ZSCAN5A: variants seen among roughly 807,000 people sequenced by gnomAD.
The protein encoded by ZSCAN5A is zinc finger and SCAN domain containing 5A.
A neutral mutation model predicts 23.7 loss-of-function variants in ZSCAN5A; 12 were observed. That is an observed-to-expected ratio of 0.51 (90% confidence interval 0.32 to 0.82). ZSCAN5A has a LOEUF of 0.82. ZSCAN5A is among the 40% of genes least tolerant of loss of function. ZSCAN5A has a pLI of 0.03. For synonymous variants in ZSCAN5A, 257 were observed against 239.9 expected (o/e 1.07, Z -0.66); for missense variants, 597 against 617.9 (o/e 0.97, Z 0.36).
intron 2 of ZSCAN5A, among the ~76,000 whole-genome samples, chr19:56,324,525 AC>A (rs1197199042): frequency 6.6e-6 from 1 of 152,110 alleles, no homozygotes; most frequent in Non-Finnish European, 1.5e-5. Context: ...GAACCCTCGT[AC>A]AATGTTGGTG....
intron 2 of ZSCAN5A, chr19:56,321,366 ACCAG>A: frequency 3.1e-6 from 2 of 642,470 alleles, no homozygotes; most frequent in Non-Finnish European, 5.8e-6. Context: ...CAATGTGGAC[ACCAG>A]CAGTTGGCTG....
Position 56,228,704 on chromosome 19 carries a change from G to GA in ZSCAN5A, c.-127-3532dup, listed in dbSNP as rs1010896462. On this transcript the variant is annotated intron_variant, in intron 2 of 5. Transcript: ENST00000683990. ...TCTCACATATGAATGTCAAGATACT[G>GA]AAAAAAAGAGACAGTCTTTGTTGAT... is the stretch of plus-strand genomic sequence containing the variant. Among the ~76,000 whole-genome samples the GA allele has an allele frequency of 4.6e-5, 7 of 151,570 alleles. No individual in the cohort carries two copies. In the East Asian group the frequency reaches 1.2e-3, roughly 25 times the overall value.
At chr19:56,232,509 A>G (rs2034555369) in intron 2 of ZSCAN5A, among the ~76,000 whole-genome samples, 1 of 151,992 alleles carries the variant, frequency 6.6e-6, no homozygotes, top group Non-Finnish European at 1.5e-5. Flanking sequence ...TGAAAAAAAA[A>G]GAGGATTCTC....
Position 56,322,202 on chromosome 19 carries a change from A to G in ZSCAN5A, c.-357-5934T>C, listed in dbSNP as rs1340740235. 4.7e-6 allele frequency: 4 copies of G among 843,458 alleles called. No homozygotes were observed. In the Admixed American group the frequency reaches 6.8e-5, roughly 14 times the overall value. The allele number at this position is 843,458 out of a possible 1,614,324, so 52.2% of individuals were successfully genotyped here. On this transcript the variant is annotated intron_variant, in intron 2 of 6. Coordinates refer to the ZSCAN5A transcript ENST00000587340. The stretch of plus-strand genomic sequence containing the variant: ...GCAGTCTGCTGCTTCAACATAGACC[A>G]GGCTCATTTGTTTCCTTCTGTAATA...
chr19:56,246,943 C>T (rs1014532860), intron 2 of ZSCAN5A: 1 of 1,558,642 alleles, frequency 6.4e-7, no homozygotes, highest in Non-Finnish European at 8.8e-7. Context: ...AGGAGCCACA[C>T]CTGTGGGCAA....
chr19:56,293,433 T>G (rs2039650527), intron 2 of ZSCAN5A, among the ~76,000 whole-genome samples: 1 of 152,182 alleles, frequency 6.6e-6, no homozygotes, highest in African/African-American at 2.4e-5. Context: ...ATCCCTACAC[T>G]GGAAGTATTA....
chr19:56,222,551 AGAG>A (rs1195525053), intron 5 of ZSCAN5A, 37 bp downstream of exon 5: 1 of 1,607,240 alleles, frequency 6.2e-7, no homozygotes, highest in Non-Finnish European at 8.5e-7. Context: ...ACCCCAGAAG[AGAG>A]GGACTAACCC....
At chr19:56,284,265 G>GT in intron 2 of ZSCAN5A, 4 of 792,550 alleles carry the variant, frequency 5.0e-6, no homozygotes, top group Non-Finnish European at 6.1e-6. Flanking sequence ...GGAAATTTTG[G>GT]GCTTTGCTCT....
At position 56,222,004 on chromosome 19, in the gene ZSCAN5A, C is replaced by T. The variant is rs1599958960; in HGVS notation, c.1062G>A (p.Pro354=). The change falls in exon 6 of 6, where the codon CCG becomes CCA. Residue 354 remains proline (P), a synonymous_variant. Coordinates refer to ENST00000683990, the MANE Select transcript of ZSCAN5A (RefSeq NM_001322064.3). ...TCTCGCACACGTCACATGCAAAGGG[C>T]GGCAGTGCCTTGGCTTCTTGGCCAT... ...HPDGQEAKAL[P]PFACDVCEKR... 1 of 1,614,198 alleles carries T rather than the reference C, an allele frequency of 6.2e-7. No individual in the cohort carries two copies. The highest frequency in any genetic ancestry group is 8.5e-7 in the Non-Finnish European group (1 of 1,180,038).
chr19:56,311,344 C>A (rs961522673), intron 2 of ZSCAN5A, among the ~76,000 whole-genome samples: 1 of 152,178 alleles, frequency 6.6e-6, no homozygotes, highest in African/African-American at 2.4e-5. Context: ...GGAAACAATT[C>A]TTTGCTGATG....
rs766554094 is a variant in ZSCAN5A at position 56,221,918 on chromosome 19, A to G, written c.1148T>C (p.Leu383Pro). The G allele has an allele frequency of 4.3e-6, 7 of 1,614,148 alleles. No homozygotes were observed. The highest frequency in any genetic ancestry group is 2.5e-6 in the Non-Finnish European group (3 of 1,180,034). ...CTTCCCACAGAGATTACATTGAAAG[A>G]GTCTCTCGCCTGTGTGTGATCTCTT... Reference protein sequence around the residue: ...IHKRSHTGERLFQCNLCGKRF... With the variant: ...IHKRSHTGERPFQCNLCGKRF... The change falls in exon 6 of 6, where the codon CTC becomes CCC. Residue 383 changes from leucine (L) to proline (P), a missense_variant. Leu to Pro is a moderately conservative substitution (Grantham distance 98, BLOSUM62 -3). Coordinates refer to ENST00000683990, the MANE Select transcript of ZSCAN5A (RefSeq NM_001322064.3).
chr19:56,273,085 C>T (rs529361098), intron 2 of ZSCAN5A, among the ~76,000 whole-genome samples: 1 of 152,298 alleles, frequency 6.6e-6, no homozygotes, highest in South Asian at 2.1e-4. Flanking sequence ...GTGAATGAGT[C>T]TAGGTTGCTA....
chr19:56,347,343 C>G (rs1409789854), intron 2 of ZSCAN5A: 1 of 152,244 alleles, frequency 6.6e-6, no homozygotes, highest in East Asian at 1.9e-4. Flanking sequence ...GTGTTATCAA[C>G]CGGACACAAA....
chr19:56,323,052 G>A (rs553852864), intron 2 of ZSCAN5A, among the ~76,000 whole-genome samples: 8 of 151,304 alleles, frequency 5.3e-5, no homozygotes, highest in South Asian at 4.2e-4. Flanking sequence ...CCGCCACCAC[G>A]CCCGGCTAAT....
At chr19:56,320,635 A>ATAT in intron 2 of ZSCAN5A, 1 of 719,184 alleles carries the variant, frequency 1.4e-6, no homozygotes, top group Non-Finnish European at 2.6e-6. Flanking sequence ...AATAATAATA[A>ATAT]TAAGCCAGGC....
intron 2 of ZSCAN5A, among the ~76,000 whole-genome samples, chr19:56,251,706 T>C (rs1407691968): frequency 6.6e-5 from 10 of 152,144 alleles, no homozygotes; most frequent in Non-Finnish European, 1.3e-4. Flanking sequence ...GTCCAAGTTA[T>C]CCTGCCCGCT....
At chr19:56,322,363 T>C (rs1352053260) in intron 2 of ZSCAN5A, 13 of 748,242 alleles carry the variant, frequency 1.7e-5, no homozygotes, top group Middle Eastern at 3.8e-4. Flanking sequence ...GCTTCCCCTA[T>C]TCCACACCTC....
chr19:56,264,354 C>T (rs1039076422), intron 2 of ZSCAN5A, among the ~76,000 whole-genome samples: 3 of 152,150 alleles, frequency 2.0e-5, no homozygotes, highest in African/African-American at 7.2e-5. Flanking sequence ...GGATTTACAC[C>T]TGGATCTGAC....
chr19:56,324,148 C>T (rs531882828), intron 2 of ZSCAN5A, among the ~76,000 whole-genome samples: 32 of 152,240 alleles, frequency 2.1e-4, no homozygotes, highest in Middle Eastern at 3.4e-3. Context: ...TCATAGCCTC[C>T]GGTAACCACC....
Sources: allele counts gnomAD v4.1 joint callset (sites outside exome capture counted in the v4.1 genomes callset), GRCh38; gene constraint gnomAD v4.1.1; transcripts MANE v1.5; gene names NCBI Gene and HGNC (gene_info 2026-07-23, HGNC 2026-07-21).